Variants in HECW1 observed in about 807,000 individuals in gnomAD.
HECW1 encodes E3 ubiquitin-protein ligase HECW1.
HECW1 carries 61 observed loss-of-function variants against 182.3 expected under a neutral mutation model. The ratio of observed to expected loss-of-function variants is 0.33; its 90% CI spans 0.27 to 0.41. The LOEUF (loss-of-function observed/expected upper bound fraction) is 0.41, where lower values mean the gene tolerates loss of function less well. Ranked by LOEUF, HECW1 falls within the 10% of genes least tolerant of loss-of-function variation. The pLI is 1.00. For missense variants in HECW1, 1,739 were observed against 2,108.9 expected (o/e 0.82, Z 3.44); for synonymous variants, 859 against 832.6 (o/e 1.03, Z -0.55).
chr7:43,535,162 TG>T (rs1385907753), intron 24 of HECW1, among the ~76,000 whole-genome samples: 1 of 152,166 alleles, frequency 6.6e-6, no homozygotes, highest in Non-Finnish European at 1.5e-5. Flanking sequence ...TGTTGGCAAA[TG>T]GCCCGAAGAA....
chr7:43,519,124 C>T (rs779933477), intron 24 of HECW1, among the ~76,000 whole-genome samples: 2 of 152,216 alleles, frequency 1.3e-5, no homozygotes, highest in Non-Finnish European at 2.9e-5. Context: ...ATTACATAAC[C>T]TAGTATAATC....
chr7:43,207,371 A>G (rs1294330261), intron 2 of HECW1, among the ~76,000 whole-genome samples: 1 of 152,168 alleles, frequency 6.6e-6, no homozygotes, highest in Admixed American at 6.5e-5. Context: ...AAATTGACAA[A>G]TAATATTGTA....
chr7:43,345,461 G>A (rs943883130), intron 5 of HECW1, among the ~76,000 whole-genome samples: 5 of 151,456 alleles, frequency 3.3e-5, no homozygotes, highest in Middle Eastern at 3.4e-3. Flanking sequence ...TAAGTTATTG[G>A]GGTACAAGTG....
At chr7:43,412,458 TTTTAA>T (rs1024460921) in intron 8 of HECW1, among the ~76,000 whole-genome samples, 5 of 143,478 alleles carry the variant, frequency 3.5e-5, no homozygotes, top group Non-Finnish European at 7.7e-5. Flanking sequence ...TATTTATTTA[TTTTAA>T]TTATTATACT....
intron 2 of HECW1, among the ~76,000 whole-genome samples, chr7:43,237,188 G>C (rs1316081057): frequency 1.4e-5 from 2 of 145,276 alleles, no homozygotes; most frequent in Non-Finnish European, 3.0e-5. Context: ...TAGGTAGGTA[G>C]GTAAAGTGTG....
At position 43,272,075 on chromosome 7, in the gene HECW1, T is replaced by C. The variant is rs1014450318; in HGVS notation, c.27+28143T>C. Among the ~76,000 whole-genome samples, 15 of 151,544 alleles carry C rather than the reference T, an allele frequency of 9.9e-5. No individual in the cohort carries two copies. In the South Asian group the frequency reaches 3.1e-3, roughly 32 times the overall value. ...ACAGTCATGTAATCTCCAACAAAAT[T>C]GACAAAAATAAACAATAGGGAAAGG... is the stretch of plus-strand genomic sequence containing the variant. On this transcript the variant is annotated intron_variant, in intron 3 of 29. Coordinates refer to ENST00000395891, the MANE Select transcript of HECW1 (RefSeq NM_015052.5).
intron 26 of HECW1, among the ~76,000 whole-genome samples, chr7:43,547,503 C>T (rs889034399): frequency 1.3e-5 from 2 of 151,668 alleles, no homozygotes; most frequent in African/African-American, 4.8e-5. Flanking sequence ...GCCAGGATTG[C>T]GCCACTGCAC....
chr7:43,495,436 G>A (rs906769137), intron 19 of HECW1, among the ~76,000 whole-genome samples: 1 of 152,108 alleles, frequency 6.6e-6, no homozygotes, highest in Non-Finnish European at 1.5e-5. Flanking sequence ...TGCTTTGATA[G>A]TATGCTTTTT....
chr7:43,417,423 C>G (rs1252725109), intron 8 of HECW1, among the ~76,000 whole-genome samples: 2 of 152,158 alleles, frequency 1.3e-5, no homozygotes, highest in Non-Finnish European at 2.9e-5. Context: ...TTCCCCTGGC[C>G]TTTCTAGAGT....
At chr7:43,483,032 G>A (rs1674588951) in intron 17 of HECW1, among the ~76,000 whole-genome samples, 4 of 152,176 alleles carry the variant, frequency 2.6e-5, no homozygotes, top group Admixed American at 1.3e-4. Flanking sequence ...TGCAGAGGTC[G>A]GATTGAGAAA....
At chr7:43,193,320 A>G (rs956342503) in intron 2 of HECW1, among the ~76,000 whole-genome samples, 5 of 151,720 alleles carry the variant, frequency 3.3e-5, no homozygotes, top group African/African-American at 1.2e-4. Context: ...GTCCTGCCGA[A>G]CTCCTATCTC....
chr7:43,506,752 T>C (rs555044622), intron 21 of HECW1, among the ~76,000 whole-genome samples: 1 of 152,248 alleles, frequency 6.6e-6, no homozygotes, highest in East Asian at 1.9e-4. Flanking sequence ...TGAAAGCTCA[T>C]CTCTACTAAA....
At chr7:43,326,151 G>T (rs536803548) in intron 5 of HECW1, among the ~76,000 whole-genome samples, 65 of 152,312 alleles carry the variant, frequency 4.3e-4, no homozygotes, top group Non-Finnish European at 6.5e-4. Context: ...AGGGGCTGGG[G>T]TGCCCCTTCA....
intron 1 of HECW1, 30 bp from the exon 2 acceptor site, chr7:43,114,127 C>T: frequency 1.4e-6 from 1 of 691,686 alleles, no homozygotes; most frequent in East Asian, 4.0e-5. Context: ...TGCAATTCTC[C>T]CCTTGTTTTC....
At chr7:43,206,351 G>A (rs1167598507) in intron 2 of HECW1, among the ~76,000 whole-genome samples, 1 of 152,122 alleles carries the variant, frequency 6.6e-6, no homozygotes, top group African/African-American at 2.4e-5. Flanking sequence ...GAGAGGAGAG[G>A]GAAATGGAAT....
intron 1 of HECW1, among the ~76,000 whole-genome samples, chr7:43,113,383 A>G (rs1784786902): frequency 6.6e-6 from 1 of 152,130 alleles, no homozygotes; most frequent in Admixed American, 6.5e-5. Flanking sequence ...TCGCTTTTGA[A>G]CAATTGTGTC....
At chr7:43,223,631 A>T (rs1317106630) in intron 2 of HECW1, among the ~76,000 whole-genome samples, 4 of 152,078 alleles carry the variant, frequency 2.6e-5, no homozygotes, top group African/African-American at 4.8e-5. Context: ...AAAAAAAAAA[A>T]ATATGCCAAG....
chr7:43,343,392 T>A (rs1043259836), intron 5 of HECW1, among the ~76,000 whole-genome samples: 5 of 151,614 alleles, frequency 3.3e-5, no homozygotes, highest in Non-Finnish European at 7.3e-5. Flanking sequence ...TTACATTAGG[T>A]ATTTCTCCTA....
chr7:43,342,973 C>T (rs561426491), intron 5 of HECW1, among the ~76,000 whole-genome samples: 1 of 151,640 alleles, frequency 6.6e-6, no homozygotes, highest in South Asian at 2.1e-4. Context: ...TGGCAGTGAG[C>T]CAAGATGCAC....
Sources: gnomAD v4.1 joint callset for allele counts (sites outside exome capture counted in the v4.1 genomes callset) on GRCh38, gnomAD v4.1.1 for gene constraint, MANE v1.5 for transcripts, NCBI Gene and HGNC (gene_info 2026-07-23, HGNC 2026-07-21) for gene names.